Variants in DOCK3 observed in about 807,000 individuals in gnomAD.
The protein encoded by DOCK3 is dedicator of cytokinesis 3.
DOCK3 carries 60 observed loss-of-function variants against 265.6 expected under a neutral mutation model. The ratio of observed to expected loss-of-function variants is 0.23; its 90% CI spans 0.18 to 0.28. The LOEUF is 0.28. Ranked by LOEUF, DOCK3 falls within the 10% of genes least tolerant of loss-of-function variation. DOCK3 has a pLI of 1.00. For missense variants in DOCK3, 1,981 were observed against 2,594.3 expected, an observed-to-expected ratio of 0.76 and a Z score of 5.14; for synonymous variants, 881 against 938.0, an observed-to-expected ratio of 0.94 and a Z score of 1.11.
intron 4 of DOCK3, chr3:50,900,761 A>C (rs567760732): frequency 1.6e-5 from 7 of 445,298 alleles, no homozygotes; most frequent in South Asian, 1.1e-4. Context: ...TGGAGTTTGC[A>C]GGAGGTCCAC....
chr3:51,069,971 G>A (rs2081783567), intron 6 of DOCK3, among the ~76,000 whole-genome samples: 1 of 152,162 alleles, frequency 6.6e-6, no homozygotes, highest in South Asian at 2.1e-4. Context: ...CGTACCTGGT[G>A]GTGTGCTCAC....
intron 5 of DOCK3, among the ~76,000 whole-genome samples, chr3:51,028,541 T>G (rs1375036570): frequency 1.3e-5 from 2 of 152,218 alleles, no homozygotes; most frequent in Non-Finnish European, 2.9e-5. Flanking sequence ...TCTGTTTTTT[T>G]CTCTCAGAAA....
chr3:51,016,562 A>ATAT (rs2079266165), intron 5 of DOCK3, among the ~76,000 whole-genome samples: 3 of 81,960 alleles, frequency 3.7e-5, no homozygotes, highest in African/African-American at 1.7e-4. Context: ...TATATCATAT[A>ATAT]TTATATATAT....
intron 23 of DOCK3, 78 bp from the exon 24 acceptor site, chr3:51,270,737 C>T: frequency 6.9e-7 from 1 of 1,444,998 alleles, no homozygotes; most frequent in Non-Finnish European, 9.3e-7. Flanking sequence ...CTCTCACCAC[C>T]TTGTATCATT....
chr3:51,358,040 T>C lies in DOCK3; in HGVS notation c.4847T>C (p.Ile1616Thr), dbSNP rs752490310. Residue 1616 changes from isoleucine (I) to threonine (T), a missense_variant, in exon 46 of 53, where the codon ATT becomes ACT. Physicochemically the swap from Ile to Thr is moderately conservative, Grantham distance 89. This residue lies in a region of DOCK3 where 1,357 missense variants were observed against 1,866.8 expected (regional missense o/e 0.73). Coordinates refer to ENST00000266037, the MANE Select transcript of DOCK3 (RefSeq NM_004947.5). ...ATGCGGCCTCTGCATAAGAAGCTAA[T>C]TGATCAGTTCCAGATGATGCGGGCC... Reference protein sequence around the residue: ...PEMRPLHKKLIDQFQMMRASL... With the variant: ...PEMRPLHKKLTDQFQMMRASL... 3 of 1,614,012 alleles carry C rather than the reference T, an allele frequency of 1.9e-6. No individual in the cohort carries two copies. Among genetic ancestry groups the C allele is most frequent in the Admixed American group, 1.7e-5 (1 of 60,032 alleles).
At chr3:51,035,578 C>T (rs1559970212) in intron 5 of DOCK3, among the ~76,000 whole-genome samples, 1 of 152,092 alleles carries the variant, frequency 6.6e-6, no homozygotes, top group Non-Finnish European at 1.5e-5. Context: ...CATCTGTTGA[C>T]TGTCTTTTCC....
chr3:51,216,022 A>G (rs1364601822), intron 14 of DOCK3, among the ~76,000 whole-genome samples: 1 of 152,034 alleles, frequency 6.6e-6, no homozygotes, highest in East Asian at 1.9e-4. Flanking sequence ...AAGAATAAAT[A>G]GTTACCAAAA....
chr3:50,819,261 C>CT (rs1331690324), intron 2 of DOCK3, among the ~76,000 whole-genome samples: 1 of 152,134 alleles, frequency 6.6e-6, no homozygotes, highest in Admixed American at 6.5e-5. Flanking sequence ...CCTCTTCTTT[C>CT]TTGTTCTCTT....
Position 50,821,449 on chromosome 3 carries a change from G to A in DOCK3, c.122-20226G>A, listed in dbSNP as rs530123948. 3.3e-5 allele frequency among the ~76,000 whole-genome samples: 5 copies of A among 152,002 alleles called. No individual in the cohort carries two copies. In the East Asian group the frequency reaches 5.8e-4, roughly 18 times the overall value. ...AGAGTAGCTGGGACTACAGGTGACC[G>A]CCACCACACCCGGCTAATTTTTTTG... On this transcript the variant is annotated intron_variant, in intron 2 of 52. Coordinates refer to ENST00000266037, the MANE Select transcript of DOCK3 (RefSeq NM_004947.5).
At chr3:51,220,734 A>T (rs1316046379) in intron 14 of DOCK3, among the ~76,000 whole-genome samples, 3 of 133,748 alleles carry the variant, frequency 2.2e-5, no homozygotes, top group African/African-American at 8.7e-5. Context: ...TATATATATA[A>T]AATACTTGAA....
At chr3:51,185,745 G>A (rs952237443) in intron 12 of DOCK3, among the ~76,000 whole-genome samples, 2 of 152,074 alleles carry the variant, frequency 1.3e-5, no homozygotes, top group Non-Finnish European at 2.9e-5. Flanking sequence ...GATAGTGAAT[G>A]GGTCTCATGA....
chr3:50,877,923 C>T (rs1312561877), intron 3 of DOCK3, among the ~76,000 whole-genome samples: 1 of 152,158 alleles, frequency 6.6e-6, no homozygotes, highest in Non-Finnish European at 1.5e-5. Context: ...TGAGACGAAG[C>T]TTCCAGAGGA....
At chr3:50,823,845 T>C (rs1368457665) in intron 2 of DOCK3, among the ~76,000 whole-genome samples, 1 of 152,260 alleles carries the variant, frequency 6.6e-6, no homozygotes, top group African/African-American at 2.4e-5. Flanking sequence ...TAATAGTTAC[T>C]ATTTGCTCAT....
chr3:50,684,515 T>G (rs2034642347), intron 1 of DOCK3, among the ~76,000 whole-genome samples: 1 of 152,250 alleles, frequency 6.6e-6, no homozygotes, highest in African/African-American at 2.4e-5. Flanking sequence ...TTAGAGAGGC[T>G]TAGTGCCTGT....
chr3:51,249,034 G>A (rs199598521), intron 22 of DOCK3, among the ~76,000 whole-genome samples: 10 of 148,856 alleles, frequency 6.7e-5, no homozygotes, highest in East Asian at 2.0e-4. Context: ...CTCTCCGCCC[G>A]GCAGCCACCC....
intron 27 of DOCK3, among the ~76,000 whole-genome samples, chr3:51,296,686 C>T (rs1291159387): frequency 1.3e-5 from 2 of 151,962 alleles, no homozygotes; most frequent in African/African-American, 2.4e-5. Flanking sequence ...CTGTGTTAGC[C>T]AGGATGGTCT....
At chr3:51,327,311 C>T (rs2084193016) in intron 32 of DOCK3, among the ~76,000 whole-genome samples, 1 of 152,136 alleles carries the variant, frequency 6.6e-6, no homozygotes, top group South Asian at 2.1e-4. Context: ...GGCACAGTGA[C>T]ACCAAAGAGG....
At chr3:51,253,499 T>G (rs1403364203) in intron 22 of DOCK3, among the ~76,000 whole-genome samples, 2 of 152,154 alleles carry the variant, frequency 1.3e-5, no homozygotes, top group Admixed American at 6.5e-5. Context: ...AGTCCTGGAC[T>G]TTTTTTGGTT....
intron 22 of DOCK3, among the ~76,000 whole-genome samples, chr3:51,259,821 A>G (rs181712604): frequency 5.3e-5 from 8 of 152,340 alleles, no homozygotes; most frequent in Admixed American, 2.6e-4. Flanking sequence ...AGACCTGAAA[A>G]AAAATACAGA....
Sources: allele counts gnomAD v4.1 joint callset (sites outside exome capture counted in the v4.1 genomes callset), GRCh38; gene constraint gnomAD v4.1.1; regional missense constraint gnomAD v4.1.1; transcripts MANE v1.5; gene names NCBI Gene and HGNC (gene_info 2026-07-23, HGNC 2026-07-21).